GPN1: variants seen among roughly 807,000 people sequenced by gnomAD.
The protein encoded by GPN1 is ATP(GTP)-binding protein.
Under a neutral mutation model 55.9 loss-of-function variants are expected in GPN1, and 44 were observed. The ratio of observed to expected loss-of-function variants is 0.79; its 90% CI spans 0.62 to 1.01. The LOEUF is 1.01. Ranked by LOEUF, GPN1 falls within the 50% of genes least tolerant of loss-of-function variation. The probability of loss-of-function intolerance (pLI) is 0.00; values close to 1 mark genes in which losing one functional copy is unlikely to be tolerated. For missense variants in GPN1, 466 were observed against 462.8 expected, an observed-to-expected ratio of 1.01 and a Z score of -0.06; for synonymous variants, 179 against 162.5, an observed-to-expected ratio of 1.10 and a Z score of -0.77.
At chr2:27,632,755 T>C in intron 5 of GPN1, 85 bp downstream of exon 5, 1 of 898,964 alleles carries the variant, frequency 1.1e-6, no homozygotes, top group South Asian at 1.4e-5. Flanking sequence ...ACCATCAGCC[T>C]CTGAAAGAAT....
Position 27,631,012 on chromosome 2 carries a change from T to C in GPN1, c.206-15T>C, listed in dbSNP as rs1673527785. The C allele has an allele frequency of 1.6e-6, 2 of 1,221,882 alleles. No individual in the cohort carries two copies. The highest frequency in any genetic ancestry group is 1.5e-5 in the African/African-American group (1 of 67,706). The allele number at this position is 1,221,882 out of a possible 1,614,324, so 75.7% of individuals were successfully genotyped here. A position where few individuals can be genotyped will look rare whatever the true frequency, so the allele number is the denominator to read the frequency against. On this transcript the variant is annotated splice_polypyrimidine_tract_variant and intron_variant, in intron 2 of 13. Transcript: ENST00000610189. ...TATGTATTACATTCCAGTTAATTCT[T>C]TTTTTTCTCCTCAGATATTCGTGAT...
intron 12 of GPN1, among the ~76,000 whole-genome samples, chr2:27,642,943 TTA>T (rs774839303): frequency 0.014 from 1,863 of 128,538 alleles, 45 homozygotes; most frequent in African/African-American, 0.05. Flanking sequence ...AAATGTGGTT[TTA>T]TATATATATA....
chr2:27,633,181 A>G (rs943912535), intron 5 of GPN1, among the ~76,000 whole-genome samples: 1 of 152,224 alleles, frequency 6.6e-6, no homozygotes, highest in Non-Finnish European at 1.5e-5. Context: ...TATAAGATGA[A>G]ACCATCACCC....
intron 8 of GPN1, among the ~76,000 whole-genome samples, chr2:27,638,683 C>T (rs1002069693): frequency 6.6e-6 from 1 of 152,130 alleles, no homozygotes; most frequent in African/African-American, 2.4e-5. Flanking sequence ...GGAGGGTCAA[C>T]CAAGAGAATA....
Position 27,635,300 on chromosome 2 carries a change from C to CTTTTTTTTTTTTTTT in GPN1, c.524+68_524+82dup, listed in dbSNP as rs57185039. ...AAGGCCTTTTTCTCTTCTTCTTCCT[C>CTTTTTTTTTTTTTTT]TTTTTTTTTTTTTTTTGAATCTGGT... On this transcript the variant is annotated intron_variant, in intron 7 of 13. Coordinates refer to ENST00000610189, the MANE Select transcript of GPN1 (RefSeq NM_007266.4). 102 of 523,092 alleles carry CTTTTTTTTTTTTTTT rather than the reference C, an allele frequency of 1.9e-4. 1 individual carries two copies. Among genetic ancestry groups the CTTTTTTTTTTTTTTT allele is most frequent in the Admixed American group, 4.6e-4 (11 of 23,814 alleles). The allele number at this position is 523,092 out of a possible 1,614,324, so 32.4% of individuals were successfully genotyped here. A position where few individuals can be genotyped will look rare whatever the true frequency, so the allele number is the denominator to read the frequency against.
chr2:27,642,641 A>G (rs1674004106), intron 12 of GPN1, 122 bp downstream of exon 12: 1 of 619,178 alleles, frequency 1.6e-6, no homozygotes, highest in Non-Finnish European at 2.9e-6. Flanking sequence ...TCGGCTCACC[A>G]CAACCTCCAC....
chr2:27,647,581 C>A (rs1674297627), intron 12 of GPN1, among the ~76,000 whole-genome samples: 1 of 152,172 alleles, frequency 6.6e-6, no homozygotes, highest in Non-Finnish European at 1.5e-5. Flanking sequence ...ACTAGTAAGA[C>A]AAGCTTCTTG....
intron 5 of GPN1, among the ~76,000 whole-genome samples, chr2:27,633,571 G>C (rs1294865283): frequency 6.6e-6 from 1 of 152,276 alleles, no homozygotes; most frequent in East Asian, 1.9e-4. Flanking sequence ...TGCATCCCGG[G>C]TTCAAGCGAT....
intron 9 of GPN1, 102 bp downstream of exon 9, chr2:27,639,133 T>G (rs1417198306): frequency 1.1e-6 from 1 of 912,596 alleles, no homozygotes; most frequent in Non-Finnish European, 1.7e-6. Flanking sequence ...TATTACCTAC[T>G]GAAAAGTAAC....
chr2:27,635,358 T>G, intron 7 of GPN1, 124 bp downstream of exon 7: 1 of 618,162 alleles, frequency 1.6e-6, no homozygotes, highest in Admixed American at 3.2e-5. Flanking sequence ...CATTCAGATT[T>G]GCTGTTCAGT....
chr2:27,638,329 G>T, intron 8 of GPN1, 74 bp downstream of exon 8: 1 of 834,620 alleles, frequency 1.2e-6, no homozygotes, highest in Non-Finnish European at 2.1e-6. Flanking sequence ...AGGTGGGTGA[G>T]AAAGATTATT....
At chr2:27,628,971 G>C, upstream of GPN1, 3 of 1,583,148 alleles carry the variant, frequency 1.9e-6, no homozygotes, top group Non-Finnish European at 2.6e-6. Context: ...TGACGCTGTG[G>C]TGGTTTTCGT....
At chr2:27,646,908 G>A (rs1674259278) in intron 12 of GPN1, among the ~76,000 whole-genome samples, 1 of 152,124 alleles carries the variant, frequency 6.6e-6, no homozygotes, top group African/African-American at 2.4e-5. Flanking sequence ...ACATTTCTAT[G>A]TGCCACAGTC....
intron 4 of GPN1, 27 bp downstream of exon 4, chr2:27,631,927 T>A: frequency 7.8e-7 from 1 of 1,286,230 alleles, no homozygotes; most frequent in African/African-American, 1.5e-5. Context: ...TATATTAATA[T>A]GGTTGTGTAA....
chr2:27,629,383 C>T, intron 1 of GPN1: 2 of 1,550,916 alleles, frequency 1.3e-6, no homozygotes, highest in Non-Finnish European at 1.7e-6. Flanking sequence ...AGGGCATACT[C>T]GGTCCAGCTT....
rs144727084 is a variant in GPN1, at chr2:27,645,349, G to A, written c.932-2487G>A. On this transcript the variant is annotated intron_variant, in intron 12 of 13. Transcript: ENST00000610189. ...GCCTGTACCATGTTGTTTTAATTAT[G>A]TAATTATGTTTCAATATCTGCTAGA... Among the ~76,000 whole-genome samples, 780 of 152,018 alleles carry A rather than the reference G, an allele frequency of 5.1e-3. 8 individuals carry two copies. The highest frequency in any genetic ancestry group is 0.018 in the African/African-American group (757 of 41,460).
intron 12 of GPN1, among the ~76,000 whole-genome samples, chr2:27,646,667 A>AAG (rs1400492143): frequency 3.9e-5 from 6 of 152,192 alleles, no homozygotes; most frequent in Non-Finnish European, 7.3e-5. Flanking sequence ...CTGTACTTAA[A>AAG]AGAAAAGCTC....
At chr2:27,648,235 A>G (rs1457955713) in intron 13 of GPN1, among the ~76,000 whole-genome samples, 2 of 152,122 alleles carry the variant, frequency 1.3e-5, no homozygotes, top group African/African-American at 2.4e-5. Flanking sequence ...AAGAATATGT[A>G]AGGGCTGGGT....
In GPN1 at chr2:27,632,614, T is replaced by C; in HGVS notation, c.313-19T>C. On this transcript the variant is annotated intron_variant, in intron 4 of 13. Transcript: ENST00000610189. ...TGTTGAAATCGGAATTTGTTGTCAT[T>C]GACATCTTTTTCTTTTAGGTGATGA... 5 of 1,583,276 alleles carry C rather than the reference T, an allele frequency of 3.2e-6. No individual in the cohort carries two copies. Among genetic ancestry groups the C allele is most frequent in the Non-Finnish European group, 4.3e-6 (5 of 1,152,002 alleles).
Sources: gnomAD v4.1 joint callset for allele counts (sites outside exome capture counted in the v4.1 genomes callset) on GRCh38, gnomAD v4.1.1 for gene constraint, MANE v1.5 for transcripts, NCBI Gene and HGNC (gene_info 2026-07-23, HGNC 2026-07-21) for gene names.